Variants in MAGI3 observed in about 807,000 individuals in gnomAD.
MAGI3 encodes membrane-associated guanylate kinase, WW and PDZ domain-containing protein 3.
In MAGI3, 43 loss-of-function variants were observed where a neutral mutation model predicts 121.8. That is an observed-to-expected ratio of 0.35 (90% confidence interval 0.28 to 0.46). The LOEUF is 0.46. Ranked by LOEUF, MAGI3 falls within the 20% of genes least tolerant of loss-of-function variation. The probability of loss-of-function intolerance (pLI) is 1.00; values close to 1 mark genes in which losing one functional copy is unlikely to be tolerated. For missense variants in MAGI3, 1,547 were observed against 1,797.3 expected (o/e 0.86, Z 2.52); for synonymous variants, 553 against 639.3 (o/e 0.86, Z 2.04).
chr1:113,417,614 C>A (rs1652522203), intron 1 of MAGI3, among the ~76,000 whole-genome samples: 2 of 152,090 alleles, frequency 1.3e-5, no homozygotes, highest in Non-Finnish European at 2.9e-5. Context: ...CTCCCCTATC[C>A]TTTTTCCCAT....
In MAGI3 at chr1:113,683,555, T is replaced by C; in HGVS notation, c.3987T>C (p.Asp1329=). The C allele has an allele frequency of 6.2e-7, 1 of 1,613,498 alleles. No individual in the cohort carries two copies. The highest frequency in any genetic ancestry group is 1.7e-4 in the Middle Eastern group (1 of 6,060). The change falls in exon 21 of 21, where the codon GAT becomes GAC. Residue 1329 remains aspartate, a synonymous_variant. Transcript: ENST00000307546. ...YTGSNAEQIP[D]GKEKSDVIRK... is the part of the protein sequence containing the mutation. ...GCAGTAATGCTGAGCAGATCCCAGA[T>C]GGGAAGGAAAAATCAGACGTCATCA...
chr1:113,416,317 T>C (rs56329131), intron 1 of MAGI3, among the ~76,000 whole-genome samples: 2 of 129,906 alleles, frequency 1.5e-5, no homozygotes, highest in African/African-American at 2.8e-5. Context: ...TAATTAATTA[T>C]GTAATTAATT....
At chr1:113,633,768 G>A (rs1001586030) in intron 9 of MAGI3, among the ~76,000 whole-genome samples, 4 of 152,142 alleles carry the variant, frequency 2.6e-5, no homozygotes, top group East Asian at 1.9e-4. Flanking sequence ...GGATGGCTGG[G>A]TCAAATGGTA....
At chr1:113,570,366 C>G (rs1028448895) in intron 2 of MAGI3, among the ~76,000 whole-genome samples, 6 of 152,038 alleles carry the variant, frequency 3.9e-5, no homozygotes, top group African/African-American at 1.4e-4. Context: ...GTGCATGTGT[C>G]TTTATAGTAG....
chr1:113,553,950 A>G (rs1044016720), intron 2 of MAGI3, among the ~76,000 whole-genome samples: 1 of 152,354 alleles, frequency 6.6e-6, no homozygotes, highest in Admixed American at 6.5e-5. Flanking sequence ...TGGAGGTTGC[A>G]GTGAGCCGAG....
At chr1:113,583,661 C>T (rs1445044259) in intron 3 of MAGI3, among the ~76,000 whole-genome samples, 1 of 152,032 alleles carries the variant, frequency 6.6e-6, no homozygotes, top group Non-Finnish European at 1.5e-5. Context: ...CCAGCCAAAT[C>T]TCTGTTTGGT....
rs777708420 is a variant in MAGI3, at chr1:113,567,004, GT to G, written c.434-13529del. 2.9e-3 allele frequency among the ~76,000 whole-genome samples: 433 copies of G among 148,884 alleles called. 7 individuals are homozygous for G. Among genetic ancestry groups the G allele is most frequent in the East Asian group, 0.019 (96 of 5,100 alleles). ...AAAAAAATCAACCAAACCAGGAGTT[GT>G]TTTTTTTTAAAAAGAAAATCACTAA... On this transcript the variant is annotated intron_variant, in intron 2 of 20. Coordinates refer to ENST00000307546, the MANE Select transcript of MAGI3 (RefSeq NM_001142782.2).
At chr1:113,482,702 A>G (rs912361534) in intron 1 of MAGI3, among the ~76,000 whole-genome samples, 5 of 147,828 alleles carry the variant, frequency 3.4e-5, no homozygotes, top group Non-Finnish European at 7.4e-5. Flanking sequence ...ACTAAATCTA[A>G]TAATTTTTTA....
At chr1:113,561,356 A>G (rs1225304234) in intron 2 of MAGI3, among the ~76,000 whole-genome samples, 1 of 152,234 alleles carries the variant, frequency 6.6e-6, no homozygotes, top group African/African-American at 2.4e-5. Context: ...CATCAATGCA[A>G]AAACCCTCAG....
At chr1:113,471,047 C>A (rs1331627920) in intron 1 of MAGI3, among the ~76,000 whole-genome samples, 1 of 152,146 alleles carries the variant, frequency 6.6e-6, no homozygotes, top group Non-Finnish European at 1.5e-5. Flanking sequence ...TCTTACAGGT[C>A]TTACATTTAC....
chr1:113,440,804 G>T (rs932589306), intron 1 of MAGI3, among the ~76,000 whole-genome samples: 3 of 152,186 alleles, frequency 2.0e-5, no homozygotes, highest in African/African-American at 7.2e-5. Flanking sequence ...TTAGTCTGAA[G>T]CAGTTAATAA....
At chr1:113,587,574 G>GT (rs1358890169) in intron 4 of MAGI3, among the ~76,000 whole-genome samples, 1 of 152,138 alleles carries the variant, frequency 6.6e-6, no homozygotes, top group Non-Finnish European at 1.5e-5. Context: ...ATAGGTAGAG[G>GT]TTTATTTGTG....
chr1:113,575,973 C>T (rs914111725), intron 2 of MAGI3, among the ~76,000 whole-genome samples: 12 of 152,280 alleles, frequency 7.9e-5, no homozygotes, highest in African/African-American at 2.9e-4. Flanking sequence ...AACTTCCTGG[C>T]GGCTTCCTTA....
chr1:113,486,911 A>C (rs1656409237), intron 1 of MAGI3, among the ~76,000 whole-genome samples: 1 of 152,044 alleles, frequency 6.6e-6, no homozygotes, highest in Non-Finnish European at 1.5e-5. Flanking sequence ...GGGTCTTGCT[A>C]TGTTGCCCAG....
intron 7 of MAGI3, among the ~76,000 whole-genome samples, chr1:113,616,328 T>C (rs921710813): frequency 6.6e-6 from 1 of 152,204 alleles, no homozygotes; most frequent in African/African-American, 2.4e-5. Flanking sequence ...GTACTCAAGA[T>C]GCACATTAGT....
intron 1 of MAGI3, among the ~76,000 whole-genome samples, chr1:113,421,662 G>A (rs1209784202): frequency 1.3e-5 from 2 of 151,924 alleles, no homozygotes; most frequent in Non-Finnish European, 2.9e-5. Context: ...CCAGGTACTT[G>A]GACCATACTC....
Position 113,685,070 on chromosome 1 carries a change from G to T in MAGI3, c.*1056G>T, listed in dbSNP as rs1449147702. Reference sequence around the variant, plus strand: ...GCTTGGGTGTTTAAAAACAACCTGTGTAGGGTATGCCCAGCAAATGAGGAC... The same window carrying T: ...GCTTGGGTGTTTAAAAACAACCTGTTTAGGGTATGCCCAGCAAATGAGGAC... On this transcript the variant is annotated 3_prime_UTR_variant, in exon 21 of 21. Coordinates refer to ENST00000307546, the MANE Select transcript of MAGI3 (RefSeq NM_001142782.2). 1 of 152,504 alleles carries T rather than the reference G, an allele frequency of 6.6e-6. No homozygotes were observed. The highest frequency in any genetic ancestry group is 2.1e-4 in the South Asian group (1 of 4,832). The allele number at this position is 152,504 out of a possible 1,614,324, so 9.4% of individuals were successfully genotyped here. A position where few individuals can be genotyped will look rare whatever the true frequency, so the allele number is the denominator to read the frequency against.
intron 1 of MAGI3, among the ~76,000 whole-genome samples, chr1:113,522,315 G>A (rs183485764): frequency 2.0e-5 from 3 of 152,334 alleles, no homozygotes; most frequent in Non-Finnish European, 4.4e-5. Flanking sequence ...ATGTTGGCCA[G>A]GCTGGCCTTG....
At chr1:113,398,493 A>C (rs1328201911) in intron 1 of MAGI3, among the ~76,000 whole-genome samples, 1 of 152,126 alleles carries the variant, frequency 6.6e-6, no homozygotes, top group Admixed American at 6.5e-5. Context: ...ACTTTCTGGC[A>C]TTTTAGCCTC....
Sources: allele counts gnomAD v4.1 joint callset (sites outside exome capture counted in the v4.1 genomes callset), GRCh38; gene constraint gnomAD v4.1.1; transcripts MANE v1.5; gene names NCBI Gene and HGNC (gene_info 2026-07-23, HGNC 2026-07-21).